CMTM1: variants seen among roughly 807,000 people sequenced by gnomAD.
CMTM1 encodes CKLF-like MARVEL transmembrane domain-containing protein 1.
Under a neutral mutation model 17.8 loss-of-function variants are expected in CMTM1, and 16 were observed. The observed-to-expected ratio is 0.90, with a 90% CI of 0.61 to 1.37. The LOEUF (loss-of-function observed/expected upper bound fraction) is 1.37. CMTM1 is among the 40% of genes most tolerant of loss of function. The pLI is 0.00. For missense variants in CMTM1, 354 were observed against 375.6 expected, an observed-to-expected ratio of 0.94 and a Z score of 0.47; for synonymous variants, 169 against 154.6, an observed-to-expected ratio of 1.09 and a Z score of -0.69.
intron 1 of CMTM1, among the ~76,000 whole-genome samples, chr16:66,569,003 GTTA>G (rs2013077992): frequency 1.3e-5 from 2 of 152,004 alleles, no homozygotes; most frequent in Non-Finnish European, 2.9e-5. Context: ...CAGGTGACTC[GTTA>G]TTGTGTTAAT....
In CMTM1 at chr16:66,569,979, C is replaced by G; in HGVS notation, c.476C>G (p.Ala159Gly). 1 of 1,612,676 alleles carries G rather than the reference C, an allele frequency of 6.2e-7. No individual in the cohort carries two copies. The highest frequency in any genetic ancestry group is 8.5e-7 in the Non-Finnish European group (1 of 1,179,294). Residue 159 changes from alanine (A) to glycine (G), a missense_variant, in exon 2 of 4, where the codon GCC becomes GGC. Physicochemically the swap from Ala to Gly is moderately conservative, Grantham distance 60. Coordinates refer to ENST00000379500, the MANE Select transcript of CMTM1 (RefSeq NM_052999.4). ...GALACFIITQANESFITITSL... is the reference protein window; with the variant it reads ...GALACFIITQGNESFITITSL... Reference sequence around the variant, plus strand: ...TTAGCTTGTTTCATCATCACCCAAGCCAATGAGTCATTTATAACAATCACA... The same window carrying G: ...TTAGCTTGTTTCATCATCACCCAAGGCAATGAGTCATTTATAACAATCACA...
At chr16:66,570,911 A>G (rs2013423642) in intron 2 of CMTM1, among the ~76,000 whole-genome samples, 1 of 152,274 alleles carries the variant, frequency 6.6e-6, no homozygotes, top group South Asian at 2.1e-4. Context: ...TCCAAAAAGA[A>G]CAGCCACCCA....
At position 66,566,455 on chromosome 16, in the gene CMTM1, G is replaced by C. The variant is rs1436272719; in HGVS notation, c.-59G>C. On this transcript the variant is annotated 5_prime_UTR_variant, in exon 1 of 4. Transcript: ENST00000379500. This position sits in a 1 kb window ranked among gnomAD's most constrained non-coding sequence, Gnocchi z 4.9. The stretch of plus-strand genomic sequence containing the variant: ...CGTTGGGACGCGACGCTGGTTCCCA[G>C]GGGAGAGCCAGCCGCTGCCGCGGCA... 1.3e-6 allele frequency: 2 copies of C among 1,503,618 alleles called. No homozygotes were observed. Among genetic ancestry groups the C allele is most frequent in the Admixed American group, 4.3e-5 (2 of 46,186 alleles). The allele number at this position is 1,503,618 out of a possible 1,614,324, so 93.1% of individuals were successfully genotyped here.
At chr16:66,573,196 T>C (rs2013787887) in intron 2 of CMTM1, among the ~76,000 whole-genome samples, 1 of 152,222 alleles carries the variant, frequency 6.6e-6, no homozygotes, top group Non-Finnish European at 1.5e-5. Context: ...TGTGCCAGCT[T>C]CCACAGCACT....
At chr16:66,575,178 T>C (rs2014078744) in intron 2 of CMTM1, 2 of 985,220 alleles carry the variant, frequency 2.0e-6, no homozygotes, top group Non-Finnish European at 2.4e-6. Context: ...CCAGCCCCAA[T>C]AGGAAGAACA....
intron 1 of CMTM1, among the ~76,000 whole-genome samples, chr16:66,568,923 C>T (rs2013060315): frequency 6.6e-6 from 1 of 151,016 alleles, no homozygotes; most frequent in South Asian, 2.1e-4. Context: ...TGCTTTCTTT[C>T]AGCTAATGTA....
chr16:66,567,097 GC>G (rs1245210724), intron 1 of CMTM1, 152 bp downstream of exon 1: 2 of 758,318 alleles, frequency 2.6e-6, no homozygotes, highest in Admixed American at 4.0e-5. Flanking sequence ...ACCACCCCCT[GC>G]TCCCCACACA....
At chr16:66,571,352 G>A (rs1301695191) in intron 2 of CMTM1, 2 of 362,742 alleles carry the variant, frequency 5.5e-6, no homozygotes, top group Non-Finnish European at 1.1e-5. Context: ...ACAACCCAGT[G>A]AGGTTATGGT....
At chr16:66,575,771 C>T (rs114330051) in intron 2 of CMTM1, among the ~76,000 whole-genome samples, 2,854 of 152,300 alleles carry the variant, frequency 0.019, 84 homozygotes, top group African/African-American at 0.066. Context: ...TCCATTGGAG[C>T]CACTGTGATT....
intron 2 of CMTM1, chr16:66,571,253 A>G: frequency 4.5e-6 from 2 of 447,736 alleles, no homozygotes; most frequent in Admixed American, 2.5e-5. Context: ...TGTCCGTGGA[A>G]ATTTTCAAGA....
chr16:66,566,888 G>A lies in CMTM1; in HGVS notation c.375G>A (p.Arg125=). The part of the protein sequence containing the change: ...EGRAKVPYKF[R]DSLKRFSFSP... Reference sequence around the variant, plus strand: ...GAGCCAAAGTCCCGTACAAATTCAGGGACAGCCTCAAACGTTTCTCCTTCT... The same window carrying A: ...GAGCCAAAGTCCCGTACAAATTCAGAGACAGCCTCAAACGTTTCTCCTTCT... The change falls in exon 1 of 4, where the codon AGG becomes AGA. Residue 125 remains arginine, a synonymous_variant. Coordinates refer to ENST00000379500, the MANE Select transcript of CMTM1 (RefSeq NM_052999.4). The surrounding 1 kb of genome is among the most constrained non-coding windows in gnomAD (Gnocchi z 4.9). 1 of 1,613,970 alleles carries A rather than the reference G, an allele frequency of 6.2e-7. No homozygotes were observed. Among genetic ancestry groups the A allele is most frequent in the Non-Finnish European group, 8.5e-7 (1 of 1,179,998 alleles).
intron 1 of CMTM1, 66 bp downstream of exon 1, chr16:66,567,011 C>G: frequency 6.6e-7 from 1 of 1,525,382 alleles, no homozygotes; most frequent in Non-Finnish European, 9.1e-7. Context: ...GGGAAATGCC[C>G]ACGGGGTGCC....
At chr16:66,577,379 T>G (rs1032160130) in intron 3 of CMTM1, among the ~76,000 whole-genome samples, 177 bp downstream of exon 3, 1 of 152,196 alleles carries the variant, frequency 6.6e-6, no homozygotes, top group African/African-American at 2.4e-5. Flanking sequence ...CTCATGAAAA[T>G]CTTAATTCTA....
At chr16:66,575,157 C>G (rs2014074971) in intron 2 of CMTM1, 1 of 985,294 alleles carries the variant, frequency 1.0e-6, no homozygotes, top group African/African-American at 1.7e-5. Flanking sequence ...CACAAGAGGG[C>G]TCCTCGGTCG....
At chr16:66,568,570 T>G (rs1261831966) in intron 1 of CMTM1, among the ~76,000 whole-genome samples, 1 of 152,120 alleles carries the variant, frequency 6.6e-6, no homozygotes, top group Non-Finnish European at 1.5e-5. Context: ...CTAGTCATCA[T>G]AATTAGGAAT....
chr16:66,577,156 T>C lies in CMTM1; in HGVS notation c.644T>C (p.Leu215Ser), dbSNP rs780748501. 1.2e-6 allele frequency: 2 copies of C among 1,614,136 alleles called. No homozygotes were observed. The highest frequency in any genetic ancestry group is 1.7e-6 in the Non-Finnish European group (2 of 1,179,994). ...TAVFLSVVAI[L>S]AMQEKKRRHL... Reference sequence around the variant, plus strand: ...GTGTTCCTTTCAGTAGTTGCCATCTTGGCCATGCAAGAAAAGAAAAGAAGG... The same window carrying C: ...GTGTTCCTTTCAGTAGTTGCCATCTCGGCCATGCAAGAAAAGAAAAGAAGG... Residue 215 changes from leucine (L) to serine (S), a missense_variant, in exon 3 of 4, where the codon TTG becomes TCG. Physicochemically the swap from Leu to Ser is moderately radical, Grantham distance 145. Transcript: ENST00000379500.
chr16:66,572,113 G>A (rs4783680), intron 2 of CMTM1, among the ~76,000 whole-genome samples: 7,694 of 152,158 alleles, frequency 0.051, 318 homozygotes, highest in East Asian at 0.12. Context: ...TACTGTCCTC[G>A]AGAGCATGGG....
At chr16:66,576,417 AG>A (rs992405520) in intron 2 of CMTM1, among the ~76,000 whole-genome samples, 2 of 151,996 alleles carry the variant, frequency 1.3e-5, no homozygotes, top group African/African-American at 2.4e-5. Context: ...AAAAGAACTC[AG>A]GACTGAAATC....
At chr16:66,578,239 C>A (rs1567380042) in intron 3 of CMTM1, among the ~76,000 whole-genome samples, 1 of 152,196 alleles carries the variant, frequency 6.6e-6, no homozygotes, top group Non-Finnish European at 1.5e-5. Flanking sequence ...TCCCACCCCA[C>A]CACGCACTGG....
Sources: gnomAD v4.1 joint callset for allele counts (sites outside exome capture counted in the v4.1 genomes callset) on GRCh38, gnomAD v4.1.1 for gene constraint, Gnocchi (gnomAD v3.1) non-coding constraint, MANE v1.5 for transcripts, NCBI Gene and HGNC (gene_info 2026-07-23, HGNC 2026-07-21) for gene names.